PCDHGB2: variants seen among roughly 807,000 people sequenced by gnomAD.
PCDHGB2 encodes protocadherin gamma-B2.
In PCDHGB2, 55 loss-of-function variants were observed where a neutral mutation model predicts 59.3. The ratio of observed to expected loss-of-function variants is 0.93; its 90% CI spans 0.75 to 1.16. PCDHGB2 has a LOEUF of 1.16. Ranked by LOEUF, PCDHGB2 falls within the 50% of genes most tolerant of loss-of-function variation. The pLI is 0.00. For missense variants in PCDHGB2, 1,228 were observed against 1,198.5 expected, an observed-to-expected ratio of 1.02 and a Z score of -0.36; for synonymous variants, 516 against 512.0, an observed-to-expected ratio of 1.01 and a Z score of -0.11.
Position 141,489,267 on chromosome 5 carries a change from C to T in PCDHGB2, c.2422-5540C>T, listed in dbSNP as rs370726160. 27 of 1,553,302 alleles carry T rather than the reference C, an allele frequency of 1.7e-5. No individual in the cohort carries two copies. Among genetic ancestry groups the T allele is most frequent in the African/African-American group, 8.2e-5 (6 of 73,324 alleles). ...TGGGGCCCAAGACACTCCCACAGCT[C>T]GCTGGGAAATGGCAAGTGCTGTGCA... On this transcript the variant is annotated intron_variant, in intron 1 of 3. Transcript: ENST00000522605. This position sits in a 1 kb window ranked among gnomAD's most constrained non-coding sequence, Gnocchi z 4.5.
Position 141,489,169 on chromosome 5 carries a change from C to T in PCDHGB2, c.2422-5638C>T. On this transcript the variant is annotated intron_variant, in intron 1 of 3. Coordinates refer to ENST00000522605, the MANE Select transcript of PCDHGB2 (RefSeq NM_018923.3). This position sits in a 1 kb window ranked among gnomAD's most constrained non-coding sequence, Gnocchi z 4.5. ...GAGACATAAGAGACTTCAGCTGCTG[C>T]ATTCCAAGCCCTGGGTCTACCTTGG... 3 of 1,124,648 alleles carry T rather than the reference C, an allele frequency of 2.7e-6. No individual in the cohort carries two copies. The highest frequency in any genetic ancestry group is 3.8e-6 in the Non-Finnish European group (3 of 783,910). The allele number at this position is 1,124,648 out of a possible 1,614,324, so 69.7% of individuals were successfully genotyped here. A position where few individuals can be genotyped will look rare whatever the true frequency, so the allele number is the denominator to read the frequency against.
intron 1 of PCDHGB2, among the ~76,000 whole-genome samples, chr5:141,437,922 G>A (rs1039507511): frequency 1.3e-5 from 2 of 152,106 alleles, no homozygotes; most frequent in Admixed American, 6.5e-5. Context: ...ATTTTTAGTA[G>A]AGATGGGGTT....
intron 1 of PCDHGB2, chr5:141,390,004 T>C (rs749173529): frequency 1.9e-6 from 3 of 1,614,044 alleles, no homozygotes; most frequent in Admixed American, 1.7e-5. Flanking sequence ...GCCATGATTC[T>C]GGCCATTGCC....
intron 1 of PCDHGB2, among the ~76,000 whole-genome samples, chr5:141,465,279 C>T (rs975247599): frequency 3.3e-5 from 5 of 152,028 alleles, no homozygotes; most frequent in South Asian, 2.1e-4. Flanking sequence ...TTTAGTTCAC[C>T]CCTAAAGAAC....
chr5:141,372,789 A>G (rs1769071536), intron 1 of PCDHGB2: 2 of 1,601,162 alleles, frequency 1.2e-6, no homozygotes, highest in Non-Finnish European at 8.5e-7. Flanking sequence ...AATGCCTTCT[A>G]ATTCAGGCAA....
At chr5:141,365,770 C>G in intron 1 of PCDHGB2, 4 of 1,613,918 alleles carry the variant, frequency 2.5e-6, no homozygotes, top group Non-Finnish European at 3.4e-6. Context: ...ATGACCCCGA[C>G]AGCGGCGACA....
At chr5:141,498,919 C>A (rs897611505) in intron 2 of PCDHGB2, among the ~76,000 whole-genome samples, 1 of 122,240 alleles carries the variant, frequency 8.2e-6, no homozygotes. Context: ...GGTGACAGAG[C>A]GAGACTCCAT....
chr5:141,498,786 A>T (rs2099785591), intron 2 of PCDHGB2, among the ~76,000 whole-genome samples: 1 of 152,050 alleles, frequency 6.6e-6, no homozygotes, highest in East Asian at 1.9e-4. Context: ...ACAAAATATT[A>T]GCCAGGTGTG....
chr5:141,410,789 A>G (rs1264282350), intron 1 of PCDHGB2: 13 of 794,352 alleles, frequency 1.6e-5, no homozygotes, highest in Non-Finnish European at 2.4e-5. Flanking sequence ...TATTTGGTTC[A>G]TAAGTTGCTC....
At chr5:141,509,069 G>T (rs1463164307) in intron 3 of PCDHGB2, among the ~76,000 whole-genome samples, 1 of 152,174 alleles carries the variant, frequency 6.6e-6, no homozygotes, top group Non-Finnish European at 1.5e-5. Flanking sequence ...CTCAGCTCCG[G>T]GGATTTGCGA....
At chr5:141,508,242 GC>G (rs1344624071) in intron 3 of PCDHGB2, 1 of 152,310 alleles carries the variant, frequency 6.6e-6, no homozygotes, top group African/African-American at 2.4e-5. Context: ...TCCTAAGTCT[GC>G]CTCTCCTGGG....
At chr5:141,371,540 C>T (rs773129811) in intron 1 of PCDHGB2, 1 of 1,613,730 alleles carries the variant, frequency 6.2e-7, no homozygotes, top group East Asian at 2.2e-5. Flanking sequence ...ATGGAGAAAT[C>T]CTATGCCAAC....
intron 1 of PCDHGB2, chr5:141,395,139 G>C: frequency 6.2e-7 from 1 of 1,614,144 alleles, no homozygotes. Flanking sequence ...GCCCAACTAC[G>C]CAGACATGCT....
chr5:141,450,851 G>T (rs1184272833), intron 1 of PCDHGB2, among the ~76,000 whole-genome samples: 1 of 142,602 alleles, frequency 7.0e-6, no homozygotes, highest in Non-Finnish European at 1.5e-5. Context: ...TTGAGATGGG[G>T]TCTTGCTCTG....
chr5:141,383,111 G>T, intron 1 of PCDHGB2: 1 of 1,614,040 alleles, frequency 6.2e-7, no homozygotes, highest in Non-Finnish European at 8.5e-7. Context: ...TCCAGAGGTA[G>T]GACGCAGCTT....
intron 1 of PCDHGB2, chr5:141,413,152 G>C: frequency 1.3e-6 from 2 of 1,574,694 alleles, no homozygotes; most frequent in Non-Finnish European, 1.7e-6. Flanking sequence ...TGAGGACTTT[G>C]CAGAATTCTG....
At chr5:141,418,029 G>A (rs775326655) in intron 1 of PCDHGB2, 1 of 1,614,022 alleles carries the variant, frequency 6.2e-7, no homozygotes, top group Non-Finnish European at 8.5e-7. Context: ...CTAGGGCTTA[G>A]TGTCCTGGAT....
rs1317907295 is a variant in PCDHGB2, at chr5:141,362,108, C to G, written c.1973C>G (p.Ala658Gly). 6.2e-7 allele frequency: 1 copy of G among 1,613,854 alleles called. No individual in the cohort carries two copies. The highest frequency in any genetic ancestry group is 1.7e-5 in the Admixed American group (1 of 60,016). The change falls in exon 1 of 4, where the codon GCC becomes GGC. Residue 658 changes from alanine (A) to glycine (G), a missense_variant. By Grantham distance (60) the Ala-to-Gly change is moderately conservative (BLOSUM62 0). Around this residue, in one of 3 missense-constraint regions of PCDHGB2, gnomAD observed 433 missense variants for 441.8 expected, o/e 0.98. Transcript: ENST00000522605. ...GGACAGCCGCCACTCTCCGCTACGGCCACGCTGCACCTAATCTTCGCGGAT... is the reference window on the plus strand; with the variant it reads ...GGACAGCCGCCACTCTCCGCTACGGGCACGCTGCACCTAATCTTCGCGGAT... Reference protein sequence around the residue: ...DGGQPPLSATATLHLIFADSL... With the variant: ...DGGQPPLSATGTLHLIFADSL...
intron 1 of PCDHGB2, among the ~76,000 whole-genome samples, chr5:141,463,534 C>T (rs866525322): frequency 2.6e-4 from 39 of 148,938 alleles, no homozygotes; most frequent in Admixed American, 7.5e-4. Flanking sequence ...CTAGAAACTC[C>T]GGCTCCCGGG....
Sources: allele counts gnomAD v4.1 joint callset (sites outside exome capture counted in the v4.1 genomes callset), GRCh38; gene constraint gnomAD v4.1.1; regional missense constraint gnomAD v4.1.1; non-coding constraint Gnocchi (gnomAD v3.1); transcripts MANE v1.5; gene names NCBI Gene and HGNC (gene_info 2026-07-23, HGNC 2026-07-21).